The following SNRPE variants were observed in gnomAD, a reference collection of about 807,000 sequenced individuals.
SNRPE encodes small nuclear ribonucleoprotein polypeptide E.
For synonymous variants in SNRPE, 35 were observed against 36.7 expected (o/e 0.95, Z 0.17); for missense variants, 53 against 111.6 (o/e 0.48, Z 2.36).
Position 203,863,644 on chromosome 1 carries a change from A to G in SNRPE, c.82-19A>G, listed in dbSNP as rs761381196. On this transcript the variant is annotated intron_variant, in intron 2 of 4. Transcript: ENST00000414487. ...CTATTTTTCTTTTTTTAACGTTTCCACTTTTATGATTATTTCAGAGATCGC... is the reference window on the plus strand; with the variant it reads ...CTATTTTTCTTTTTTTAACGTTTCCGCTTTTATGATTATTTCAGAGATCGC... 1 of 1,602,068 alleles carries G rather than the reference A, an allele frequency of 6.2e-7. No homozygotes were observed. Among genetic ancestry groups the G allele is most frequent in the South Asian group, 1.1e-5 (1 of 90,674 alleles).
chr1:203,869,165 C>G (rs1558159428), intron 4 of SNRPE, among the ~76,000 whole-genome samples: 1 of 152,110 alleles, frequency 6.6e-6, no homozygotes, highest in Non-Finnish European at 1.5e-5. Context: ...CAACGTGTCT[C>G]AAACCGTTCT....
In SNRPE at chr1:203,864,876, CAAAAAA is replaced by C. The variant is rs61506397; in HGVS notation, c.145-145_145-140del. Among the ~76,000 whole-genome samples, 509 of 119,294 alleles carry C rather than the reference CAAAAAA, an allele frequency of 4.3e-3. 4 individuals are homozygous for C. The highest frequency in any genetic ancestry group is 0.015 in the African/African-American group (484 of 32,154). 78.3% of individuals were successfully genotyped at this position (119,294 alleles called of 152,430 possible). ...TGGAAGACAAAGTGAGATCCTTTCT[CAAAAAA>C]AAAAAAAAAAAAAAAAAAACTTTGG... On this transcript the variant is annotated intron_variant, in intron 3 of 4. Coordinates refer to ENST00000414487, the MANE Select transcript of SNRPE (RefSeq NM_003094.4).
chr1:203,871,093 G>C lies in SNRPE; in HGVS notation c.*1161G>C, dbSNP rs561678726. 6.6e-6 allele frequency among the ~76,000 whole-genome samples: 1 copy of C among 152,336 alleles called. No homozygotes were observed. Among genetic ancestry groups the C allele is most frequent in the South Asian group, 2.1e-4 (1 of 4,830 alleles). The stretch of plus-strand genomic sequence containing the variant: ...CATGCATTCCATCTATATTCCTCCT[G>C]TCTGAACTCATGCTCTTTTGATTAT... On this transcript the variant is annotated 3_prime_UTR_variant, in exon 5 of 5. Coordinates refer to ENST00000414487, the MANE Select transcript of SNRPE (RefSeq NM_003094.4).
intron 3 of SNRPE, among the ~76,000 whole-genome samples, chr1:203,863,935 TC>T (rs1690032383): frequency 8.5e-6 from 1 of 117,920 alleles, no homozygotes; most frequent in Non-Finnish European, 1.9e-5. Flanking sequence ...TTTTCTTTCC[TC>T]TGTCTATGTT....
At chr1:203,863,511 G>T in intron 2 of SNRPE, 152 bp from the exon 3 acceptor site, 1 of 601,402 alleles carries the variant, frequency 1.7e-6, no homozygotes, top group East Asian at 2.8e-5. Flanking sequence ...AGTAGAGATG[G>T]GGTTTCACCA....
intron 4 of SNRPE, 118 bp downstream of exon 4, chr1:203,865,237 GAGT>G: frequency 1.1e-6 from 1 of 905,618 alleles, no homozygotes; most frequent in Non-Finnish European, 1.7e-6. Context: ...TTATTATTCA[GAGT>G]AGTAGTACAC....
At chr1:203,862,062 G>A (rs1277326840) in intron 1 of SNRPE, 134 bp from the exon 2 acceptor site, 1 of 719,838 alleles carries the variant, frequency 1.4e-6, no homozygotes, top group African/African-American at 1.8e-5. Context: ...GCCCAGCTGG[G>A]CACTTGTTGT....
intron 4 of SNRPE, 126 bp downstream of exon 4, chr1:203,865,245 G>A: frequency 1.2e-6 from 1 of 846,398 alleles, no homozygotes; most frequent in Non-Finnish European, 1.8e-6. Context: ...CAGAGTAGTA[G>A]TACACTTTTG....
intron 3 of SNRPE, among the ~76,000 whole-genome samples, chr1:203,863,962 A>G (rs1224790538): frequency 6.6e-6 from 1 of 152,022 alleles, no homozygotes; most frequent in African/African-American, 2.4e-5. Context: ...GAAAATTTGT[A>G]TTTGATTTTT....
intron 4 of SNRPE, among the ~76,000 whole-genome samples, chr1:203,868,355 A>G (rs988024018): frequency 6.6e-6 from 1 of 152,110 alleles, no homozygotes; most frequent in Non-Finnish European, 1.5e-5. Flanking sequence ...AAGCCTGGCA[A>G]TGAATGGTAT....
At chr1:203,864,152 CTG>C (rs1252024109) in intron 3 of SNRPE, among the ~76,000 whole-genome samples, 2 of 152,040 alleles carry the variant, frequency 1.3e-5, no homozygotes, top group Non-Finnish European at 2.9e-5. Flanking sequence ...TGAGGTCTCA[CTG>C]TGTTGCCCAG....
At position 203,870,647 on chromosome 1, in the gene SNRPE, T is replaced by C. The variant is rs1414595851; in HGVS notation, c.*715T>C. 6.6e-6 allele frequency: 1 copy of C among 152,242 alleles called. No homozygotes were observed. The highest frequency in any genetic ancestry group is 1.5e-5 in the Non-Finnish European group (1 of 68,042). 9.4% of individuals were successfully genotyped at this position (152,242 alleles called of 1,614,324 possible). A position where few individuals can be genotyped will look rare whatever the true frequency, so the allele number is the denominator to read the frequency against. ...GTTGGAGAAATACACCTGTCTCTTA[T>C]TCTTATCTCTTAAGAATTTTGGTTC... On this transcript the variant is annotated 3_prime_UTR_variant, in exon 5 of 5. Transcript: ENST00000414487.
Position 203,863,738 on chromosome 1 carries a change from G to A in SNRPE, c.144+13G>A. ...AGGCTGTATCATTGTGAGTATCCAG[G>A]CGATTTCATCTCATAGCAGTTCGGT... is the stretch of plus-strand genomic sequence containing the variant. On this transcript the variant is annotated intron_variant, in intron 3 of 4. Coordinates refer to ENST00000414487, the MANE Select transcript of SNRPE (RefSeq NM_003094.4). The A allele has an allele frequency of 1.3e-6, 2 of 1,559,118 alleles. No homozygotes were observed. The highest frequency in any genetic ancestry group is 1.8e-6 in the Non-Finnish European group (2 of 1,130,048).
rs754502369 is a variant in SNRPE, at chr1:203,861,625, GC to G, written c.-34del. 3 of 1,577,850 alleles carry G rather than the reference GC, an allele frequency of 1.9e-6. No homozygotes were observed. The African/African-American group carries it at 4.0e-5, about 21-fold the overall frequency. On this transcript the variant is annotated 5_prime_UTR_variant, in exon 1 of 5. Transcript: ENST00000414487. The stretch of plus-strand genomic sequence containing the variant: ...TTTATTCCGGAAGTTGCTCTCAGAG[GC>G]AGCGTGCGGGTGTGCTCTTTGTGAA...
intron 1 of SNRPE, 56 bp from the exon 2 acceptor site, chr1:203,862,140 T>C: frequency 7.0e-7 from 1 of 1,429,702 alleles, no homozygotes; most frequent in Non-Finnish European, 9.9e-7. Flanking sequence ...TCCGGTTGTT[T>C]CAGGAAGCAG....
At chr1:203,862,149 A>C in intron 1 of SNRPE, 47 bp from the exon 2 acceptor site, 1 of 1,500,514 alleles carries the variant, frequency 6.7e-7, no homozygotes, top group Non-Finnish European at 9.3e-7. Context: ...TTCAGGAAGC[A>C]GAGTCTATGC....
chr1:203,862,059 T>C (rs1346136877), intron 1 of SNRPE, 137 bp from the exon 2 acceptor site: 2 of 711,912 alleles, frequency 2.8e-6, no homozygotes, highest in Non-Finnish European at 5.1e-6. Context: ...AATGCCCAGC[T>C]GGGCACTTGT....
At chr1:203,867,832 A>G (rs1449185421) in intron 4 of SNRPE, among the ~76,000 whole-genome samples, 1 of 152,112 alleles carries the variant, frequency 6.6e-6, no homozygotes, top group African/African-American at 2.4e-5. Flanking sequence ...TAAAAAGTTC[A>G]AAGTTTAATT....
Position 203,863,706 on chromosome 1 carries a change from G to A in SNRPE, c.125G>A (p.Arg42Gln). The A allele has an allele frequency of 3.1e-6, 5 of 1,603,718 alleles. No individual in the cohort carries two copies. Among genetic ancestry groups the A allele is most frequent in the Non-Finnish European group, 4.3e-6 (5 of 1,170,688 alleles). Residue 42 changes from arginine (R) to glutamine (Q), a missense_variant, in exon 3 of 5, where the codon CGG becomes CAG. Physicochemically the swap from Arg to Gln is conservative, Grantham distance 43. Transcript: ENST00000414487. ...TGGCTCTATGAGCAAGTGAATATGC[G>A]GATAGAAGGCTGTATCATTGTGAGT... Reference protein sequence around the residue: ...QVWLYEQVNMRIEGCIIGFDE... With the variant: ...QVWLYEQVNMQIEGCIIGFDE...
Sources: gnomAD v4.1 joint callset for allele counts (sites outside exome capture counted in the v4.1 genomes callset) on GRCh38, gnomAD v4.1.1 for gene constraint, MANE v1.5 for transcripts, NCBI Gene and HGNC (gene_info 2026-07-23, HGNC 2026-07-21) for gene names.